FAM107B: variants seen among roughly 807,000 people sequenced by gnomAD.
FAM107B encodes family with sequence similarity 107 member B, also known as protein FAM107B.
A neutral mutation model predicts 31.5 loss-of-function variants in FAM107B; 21 were observed. The observed-to-expected ratio is 0.67, with a 90% confidence interval of 0.47 to 0.96. FAM107B has a LOEUF of 0.96. Among genes scored for constraint, FAM107B ranks in the 40% least tolerant of loss-of-function variants. The pLI is 0.00. For synonymous variants in FAM107B, 157 were observed against 141.5 expected (o/e 1.11, Z -0.78); for missense variants, 452 against 377.1 (o/e 1.20, Z -1.64).
chr10:14,565,380 G>C (rs1031055086), intron 2 of FAM107B, among the ~76,000 whole-genome samples: 2 of 152,118 alleles, frequency 1.3e-5, no homozygotes, highest in Non-Finnish European at 2.9e-5. Context: ...AGACATAGGC[G>C]CATGGGCTTG....
At position 14,714,651 on chromosome 10, in the gene FAM107B, A is replaced by C. The variant is rs79325885; in HGVS notation, c.412-46960T>G. 7.7e-3 allele frequency among the ~76,000 whole-genome samples: 1,173 copies of C among 152,240 alleles called. 16 individuals are homozygous for C. Among genetic ancestry groups the C allele is most frequent in the African/African-American group, 0.026 (1,076 of 41,532 alleles). On this transcript the variant is annotated intron_variant, in intron 1 of 4. Coordinates refer to ENST00000181796, the MANE Select transcript of FAM107B (RefSeq NM_031453.4). ...ACCGCTCCCTTATACATCCAGACTC[A>C]ATCTTAGGGAGGAGCTGAGGGAGGG...
At chr10:14,687,911 T>G (rs1437772004) in intron 1 of FAM107B, among the ~76,000 whole-genome samples, 1 of 152,150 alleles carries the variant, frequency 6.6e-6, no homozygotes, top group South Asian at 2.1e-4. Context: ...ATGGTAATAC[T>G]GAGTATCAAC....
intron 2 of FAM107B, among the ~76,000 whole-genome samples, chr10:14,625,856 C>A (rs997852090): frequency 3.1e-5 from 1 of 31,986 alleles, no homozygotes; most frequent in Non-Finnish European, 5.3e-5. Flanking sequence ...CTCCATGCAG[C>A]TGCTCATGGA....
chr10:14,629,627 C>A (rs552634618), intron 2 of FAM107B, among the ~76,000 whole-genome samples: 13 of 148,002 alleles, frequency 8.8e-5, no homozygotes, highest in Non-Finnish European at 7.4e-5. Flanking sequence ...ATTCTCCTGC[C>A]CCAGCCTCCC....
intron 2 of FAM107B, among the ~76,000 whole-genome samples, chr10:14,551,815 A>G (rs1166459930): frequency 1.3e-5 from 2 of 152,112 alleles, no homozygotes; most frequent in Admixed American, 1.3e-4. Context: ...GCCAGTCTCA[A>G]TAGTCCCTAT....
chr10:14,547,490 T>A (rs528786586), intron 2 of FAM107B, among the ~76,000 whole-genome samples: 1 of 152,216 alleles, frequency 6.6e-6, no homozygotes, highest in East Asian at 1.9e-4. Flanking sequence ...AGGTTGAGCA[T>A]CCCTTATCCG....
intron 1 of FAM107B, among the ~76,000 whole-genome samples, chr10:14,734,025 G>C (rs1856235177): frequency 6.6e-6 from 1 of 152,116 alleles, no homozygotes; most frequent in Admixed American, 6.5e-5. Context: ...TAATACATGG[G>C]CTGCCAAACA....
In FAM107B at chr10:14,521,406, C is replaced by T. The variant is rs184746869; in HGVS notation, c.805-100G>A. ...AGTCCCTGACAACTTTACTTCCCCA[C>T]AGAATAAATTCTCTCCTGGTCCCCC... On this transcript the variant is annotated intron_variant, in intron 4 of 4. Coordinates refer to ENST00000181796, the MANE Select transcript of FAM107B (RefSeq NM_031453.4). The T allele has an allele frequency of 3.4e-5, 32 of 944,512 alleles. No individual in the cohort carries two copies. In the East Asian group the frequency reaches 7.3e-4, roughly 21 times the overall value. The allele number at this position is 944,512 out of a possible 1,614,324, so 58.5% of individuals were successfully genotyped here. A position where few individuals can be genotyped will look rare whatever the true frequency, so the allele number is the denominator to read the frequency against.
At chr10:14,659,860 A>G (rs977640196) in intron 2 of FAM107B, among the ~76,000 whole-genome samples, 8 of 152,230 alleles carry the variant, frequency 5.3e-5, no homozygotes, top group African/African-American at 1.7e-4. Context: ...GGAACTGCTC[A>G]GTGGAACCCC....
intron 1 of FAM107B, among the ~76,000 whole-genome samples, chr10:14,750,700 A>C (rs964704498): frequency 6.6e-6 from 1 of 152,116 alleles, no homozygotes; most frequent in African/African-American, 2.4e-5. Context: ...TAACCCTGGC[A>C]CTCTGGGAGG....
chr10:14,625,250 G>A (rs893789893), intron 2 of FAM107B, among the ~76,000 whole-genome samples: 7 of 107,202 alleles, frequency 6.5e-5, no homozygotes, highest in East Asian at 2.3e-4. Context: ...AAGGAATGTC[G>A]TGTGCGTGCG....
intron 3 of FAM107B, chr10:14,529,519 G>C (rs1280733234): frequency 6.6e-6 from 1 of 152,022 alleles, no homozygotes; most frequent in Non-Finnish European, 1.5e-5. Flanking sequence ...TGCTAAACTT[G>C]ATCTGCGTAT....
rs1007438259 is a variant in FAM107B at position 14,521,054 on chromosome 10, A to T, written c.*136T>A. The T allele has an allele frequency of 6.9e-6, 5 of 728,454 alleles. No homozygotes were observed. Among genetic ancestry groups the T allele is most frequent in the Non-Finnish European group, 1.2e-5 (5 of 429,878 alleles). 45.1% of individuals were successfully genotyped at this position (728,454 alleles called of 1,614,324 possible). A position where few individuals can be genotyped will look rare whatever the true frequency, so the allele number is the denominator to read the frequency against. ...AAGGCATCCACCCAGATCGTAGGAA[A>T]ATCAAACCAAATCCTACTGCAAGTC... On this transcript the variant is annotated 3_prime_UTR_variant, in exon 5 of 5. Coordinates refer to ENST00000181796, the MANE Select transcript of FAM107B (RefSeq NM_031453.4).
chr10:14,571,967 A>G (rs1210002527), intron 2 of FAM107B: 1 of 985,308 alleles, frequency 1.0e-6, no homozygotes, highest in Non-Finnish European at 1.2e-6. Context: ...GGTAGCAAAT[A>G]AAAAGATCGC....
intron 1 of FAM107B, among the ~76,000 whole-genome samples, chr10:14,668,828 T>C (rs1292051197): frequency 6.6e-6 from 1 of 152,206 alleles, no homozygotes; most frequent in Non-Finnish European, 1.5e-5. Flanking sequence ...CTACTGTGCT[T>C]ACTTTGTTCT....
intron 1 of FAM107B, among the ~76,000 whole-genome samples, chr10:14,702,158 C>T (rs972439467): frequency 6.6e-6 from 1 of 152,204 alleles, no homozygotes; most frequent in Non-Finnish European, 1.5e-5. Context: ...GGAACAAAGA[C>T]ACGCACATAG....
intron 1 of FAM107B, among the ~76,000 whole-genome samples, chr10:14,738,977 CTT>C (rs1856373635): frequency 6.6e-6 from 1 of 152,164 alleles, no homozygotes; most frequent in Non-Finnish European, 1.5e-5. Context: ...GCTGGGGTGA[CTT>C]GGGTTGAAGG....
At chr10:14,532,258 GC>G (rs1262819574) in intron 2 of FAM107B, among the ~76,000 whole-genome samples, 14 of 152,030 alleles carry the variant, frequency 9.2e-5, no homozygotes, top group African/African-American at 3.4e-4. Context: ...TCTCAGAGAG[GC>G]CTGACCTCCT....
At position 14,569,943 on chromosome 10, in the gene FAM107B, A is replaced by AGGGCAGAAACACCCAGCAACTC. The variant is rs1851052992; in HGVS notation, c.470-39450_470-39429dup. Among the ~76,000 whole-genome samples, 3 of 152,216 alleles carry AGGGCAGAAACACCCAGCAACTC rather than the reference A, an allele frequency of 2.0e-5. No homozygotes were observed. In the South Asian group the frequency reaches 6.2e-4, roughly 32 times the overall value. Reference sequence around the variant, plus strand: ...CAGAGGTTCCCGGAAACCAGAAACTAGGGCAGAAACACCCAGCAACTCAGT... The same window carrying AGGGCAGAAACACCCAGCAACTC: ...CAGAGGTTCCCGGAAACCAGAAACTAGGGCAGAAACACCCAGCAACTCGGGCAGAAACACCCAGCAACTCAGT... On this transcript the variant is annotated intron_variant, in intron 2 of 4. Coordinates refer to ENST00000181796, the MANE Select transcript of FAM107B (RefSeq NM_031453.4).
Sources: gnomAD v4.1 joint callset for allele counts (sites outside exome capture counted in the v4.1 genomes callset) on GRCh38, gnomAD v4.1.1 for gene constraint, MANE v1.5 for transcripts, NCBI Gene and HGNC (gene_info 2026-07-23, HGNC 2026-07-21) for gene names.